PTPRR: variants seen among roughly 807,000 people sequenced by gnomAD.
PTPRR encodes receptor-type tyrosine-protein phosphatase R.
A neutral mutation model predicts 77.2 loss-of-function variants in PTPRR; 38 were observed. The observed-to-expected ratio is 0.49, with a 90% CI of 0.38 to 0.65. The LOEUF (loss-of-function observed/expected upper bound fraction) is 0.65. PTPRR is among the 30% of genes least tolerant of loss of function. The pLI is 0.00. For synonymous variants in PTPRR, 299 were observed against 283.1 expected, an observed-to-expected ratio of 1.06 and a Z score of -0.57; for missense variants, 744 against 799.2, an observed-to-expected ratio of 0.93 and a Z score of 0.83.
At chr12:70,879,228 G>A (rs1232564319) in intron 2 of PTPRR, among the ~76,000 whole-genome samples, 3 of 151,984 alleles carry the variant, frequency 2.0e-5, no homozygotes, top group Admixed American at 6.6e-5. Context: ...TTGCACACAT[G>A]TACCCTAGAA....
chr12:70,834,769 A>G (rs1314206770), intron 2 of PTPRR, among the ~76,000 whole-genome samples: 4 of 152,074 alleles, frequency 2.6e-5, no homozygotes, highest in Non-Finnish European at 5.9e-5. Flanking sequence ...GAAAAATCAT[A>G]TTGTTATTCT....
In PTPRR at chr12:70,884,871, CAAAAAAAAAAAAA is replaced by C. The variant is rs529547383; in HGVS notation, c.357+7795_357+7807del. On this transcript the variant is annotated intron_variant, in intron 2 of 13. Transcript: ENST00000283228. Reference sequence around the variant, plus strand: ...TGGGCAACAGAGCAAAACTCTGTCTCAAAAAAAAAAAAAAAAAAAAAAAAAGTTTTGCAGGCTC... The same window carrying C: ...TGGGCAACAGAGCAAAACTCTGTCTCAAAAAAAAAAAAGTTTTGCAGGCTC... 1.5e-4 allele frequency among the ~76,000 whole-genome samples: 8 copies of C among 53,938 alleles called. 1 individual carries two copies. The highest frequency in any genetic ancestry group is 7.4e-4 in the African/African-American group (8 of 10,740). 35.4% of individuals were successfully genotyped at this position (53,938 alleles called of 152,430 possible).
At chr12:70,913,433 A>G (rs1893729236) in intron 1 of PTPRR, among the ~76,000 whole-genome samples, 2 of 152,170 alleles carry the variant, frequency 1.3e-5, no homozygotes, top group South Asian at 4.1e-4. Flanking sequence ...TGTATTTGCT[A>G]TAGGTAGATA....
At chr12:70,906,362 A>C (rs913027624) in intron 1 of PTPRR, among the ~76,000 whole-genome samples, 9 of 152,140 alleles carry the variant, frequency 5.9e-5, no homozygotes, top group African/African-American at 2.2e-4. Flanking sequence ...GTTTTTCCAT[A>C]AATAGTATAA....
chr12:70,827,652 T>A lies in PTPRR; in HGVS notation c.358-62874A>T, dbSNP rs182477286. On this transcript the variant is annotated intron_variant, in intron 2 of 13. Coordinates refer to ENST00000283228, the MANE Select transcript of PTPRR (RefSeq NM_002849.4). ...CCTTTTTCTTCCAGGTTCAAGCAAT[T>A]CTCCTGGCTCAGCCTCCTGAGTAGA... 1.1e-4 allele frequency among the ~76,000 whole-genome samples: 16 copies of A among 150,244 alleles called. No individual in the cohort carries two copies. The East Asian group carries it at 2.9e-3, about 28-fold the overall frequency.
chr12:70,889,141 T>C (rs1046460708), intron 2 of PTPRR, among the ~76,000 whole-genome samples: 47 of 152,298 alleles, frequency 3.1e-4, no homozygotes, highest in African/African-American at 1.1e-3. Context: ...CAATACATCT[T>C]CTATGACATG....
intron 6 of PTPRR, among the ~76,000 whole-genome samples, chr12:70,735,200 A>C (rs1159238845): frequency 6.6e-6 from 1 of 152,182 alleles, no homozygotes; most frequent in East Asian, 1.9e-4. Flanking sequence ...CAAGTATAAG[A>C]ATATGAAAAT....
At position 70,656,819 on chromosome 12, in the gene PTPRR, T is replaced by TGAAAA. The variant is rs746157325; in HGVS notation, c.1767-7_1767-3dup. 4.4e-6 allele frequency: 7 copies of TGAAAA among 1,585,990 alleles called. No individual in the cohort carries two copies. Among genetic ancestry groups the TGAAAA allele is most frequent in the South Asian group, 3.4e-5 (3 of 88,844 alleles). ...CACCCTGTTCTACCTATTCCTGCAC[T>TGAAAA]GAAAAGAAAAGAAAAGAAATTTAAA... On this transcript the variant is annotated splice_region_variant and splice_polypyrimidine_tract_variant and intron_variant, in intron 12 of 13. Coordinates refer to ENST00000283228, the MANE Select transcript of PTPRR (RefSeq NM_002849.4).
At chr12:70,731,815 T>C (rs1276877534) in intron 6 of PTPRR, among the ~76,000 whole-genome samples, 2 of 152,210 alleles carry the variant, frequency 1.3e-5, no homozygotes, top group Non-Finnish European at 2.9e-5. Context: ...TATTAGGAAG[T>C]AGGAAAACAA....
At chr12:70,725,704 T>A (rs574054678) in intron 6 of PTPRR, among the ~76,000 whole-genome samples, 14 of 151,988 alleles carry the variant, frequency 9.2e-5, no homozygotes, top group Admixed American at 6.6e-4. Flanking sequence ...GGAAAAGAAT[T>A]AAAAAAAATT....
intron 4 of PTPRR, among the ~76,000 whole-genome samples, chr12:70,757,853 T>C (rs1513099): frequency 0.37 from 56,955 of 152,052 alleles, 11,948 homozygotes; most frequent in African/African-American, 0.56. Flanking sequence ...GTATAAGTTG[T>C]TATAAAAGAT....
At chr12:70,821,213 C>CT (rs61539990) in intron 2 of PTPRR, among the ~76,000 whole-genome samples, 498 of 31,980 alleles carry the variant, frequency 0.016, 121 homozygotes, top group Middle Eastern at 0.033. Flanking sequence ...GGGATCACTG[C>CT]TTTTTTTTTT....
chr12:70,820,942 A>T (rs539444996), intron 2 of PTPRR, among the ~76,000 whole-genome samples: 1 of 152,358 alleles, frequency 6.6e-6, no homozygotes, highest in East Asian at 1.9e-4. Context: ...TTCAGAGTTA[A>T]GCACAATTTC....
intron 2 of PTPRR, among the ~76,000 whole-genome samples, chr12:70,892,346 C>T (rs1377836127): frequency 6.6e-6 from 1 of 152,012 alleles, no homozygotes; most frequent in Non-Finnish European, 1.5e-5. Flanking sequence ...AACAGATTCT[C>T]ACAGAAGGTA....
chr12:70,911,441 C>T (rs1020041576), intron 1 of PTPRR, among the ~76,000 whole-genome samples: 1 of 152,124 alleles, frequency 6.6e-6, no homozygotes, highest in Non-Finnish European at 1.5e-5. Flanking sequence ...TCTAGACTGC[C>T]TGCTAAGCAA....
intron 2 of PTPRR, among the ~76,000 whole-genome samples, chr12:70,869,455 A>G (rs996195709): frequency 7.2e-5 from 11 of 152,188 alleles, no homozygotes; most frequent in Admixed American, 5.2e-4. Context: ...ACTATTATCC[A>G]TGGAGAAATC....
intron 2 of PTPRR, among the ~76,000 whole-genome samples, chr12:70,822,016 C>T (rs1483190335): frequency 6.6e-6 from 1 of 152,198 alleles, no homozygotes; most frequent in African/African-American, 2.4e-5. Context: ...TGTTTGATTT[C>T]TGTGGTTAAT....
At chr12:70,795,912 G>GTTTTTT in intron 2 of PTPRR, among the ~76,000 whole-genome samples, 1 of 22,822 alleles carries the variant, frequency 4.4e-5, no homozygotes, top group Non-Finnish European at 1.4e-4. Context: ...GTATTTAGTA[G>GTTTTTT]ATTTTTTTTT....
At chr12:70,657,511 C>A (rs1592641607) in intron 12 of PTPRR, among the ~76,000 whole-genome samples, 1 of 152,094 alleles carries the variant, frequency 6.6e-6, no homozygotes, top group East Asian at 1.9e-4. Context: ...AGCACACGTG[C>A]TCTCTCTGTC....
Sources: allele counts gnomAD v4.1 joint callset (sites outside exome capture counted in the v4.1 genomes callset), GRCh38; gene constraint gnomAD v4.1.1; transcripts MANE v1.5; gene names NCBI Gene and HGNC (gene_info 2026-07-23, HGNC 2026-07-21).